Variants in TMEM156 observed in about 807,000 individuals in gnomAD.
TMEM156 encodes the protein transmembrane protein 156.
TMEM156 carries 28 observed loss-of-function variants against 30.5 expected under a neutral mutation model. The observed-to-expected ratio is 0.92, with a 90% confidence interval of 0.68 to 1.26. The LOEUF (loss-of-function observed/expected upper bound fraction) is 1.26, where lower values mean the gene tolerates loss of function less well. TMEM156 is among the 50% of genes most tolerant of loss of function. The pLI is 0.00. For synonymous variants in TMEM156, 137 were observed against 119.9 expected, an observed-to-expected ratio of 1.14 and a Z score of -0.93; for missense variants, 351 against 340.6, an observed-to-expected ratio of 1.03 and a Z score of -0.24.
intron 5 of TMEM156, among the ~76,000 whole-genome samples, chr4:38,982,541 C>T (rs913041594): frequency 1.3e-5 from 2 of 152,160 alleles, no homozygotes; most frequent in Admixed American, 6.5e-5. Flanking sequence ...AGACTCATTT[C>T]TTGCTCATCC....
chr4:39,024,987 C>A (rs1715106015), intron 1 of TMEM156, among the ~76,000 whole-genome samples: 2 of 152,164 alleles, frequency 1.3e-5, no homozygotes, highest in African/African-American at 4.8e-5. Flanking sequence ...TATGGTTTAG[C>A]TGCCTAATTT....
At position 38,984,349 on chromosome 4, in the gene TMEM156, C is replaced by CTGTGTG. The variant is rs34823853; in HGVS notation, c.823+1981_823+1986dup. 2.7e-4 allele frequency among the ~76,000 whole-genome samples: 35 copies of CTGTGTG among 131,104 alleles called. No individual in the cohort carries two copies. In the East Asian group the frequency reaches 4.1e-3, roughly 15 times the overall value. The allele number at this position is 131,104 out of a possible 152,430, so 86.0% of individuals were successfully genotyped here. A position where few individuals can be genotyped will look rare whatever the true frequency, so the allele number is the denominator to read the frequency against. On this transcript the variant is annotated intron_variant, in intron 5 of 6. Coordinates refer to ENST00000381938, the MANE Select transcript of TMEM156 (RefSeq NM_024943.3). ...TTTCTCTCTGTCTCTCTCTCTCTCT[C>CTGTGTG]TGTGTGTGTGTGTGTGTGTGTGTGT... is the stretch of plus-strand genomic sequence containing the variant.
intron 5 of TMEM156, 36 bp from the exon 6 acceptor site, chr4:38,971,173 A>G (rs3733268): frequency 0.021 from 33,258 of 1,584,190 alleles, 441 homozygotes; most frequent in East Asian, 0.054. Flanking sequence ...GTCTATATGT[A>G]GTAAATAGCA....
Position 38,996,475 on chromosome 4 carries a change from G to A in TMEM156, c.358+2165C>T, listed in dbSNP as rs958195894. On this transcript the variant is annotated intron_variant, in intron 2 of 6. Transcript: ENST00000381938. Reference sequence around the variant, plus strand: ...TAATCCCAGCTACTCAGGAGGCTGAGGCAGGAGAATCGCTTGAAACTAGGA... The same window carrying A: ...TAATCCCAGCTACTCAGGAGGCTGAAGCAGGAGAATCGCTTGAAACTAGGA... Among the ~76,000 whole-genome samples the A allele has an allele frequency of 5.9e-5, 9 of 152,066 alleles. No homozygotes were observed. The South Asian group carries it at 1.7e-3, about 28-fold the overall frequency.
At chr4:39,017,193 G>C (rs1262072062) in intron 1 of TMEM156, among the ~76,000 whole-genome samples, 1 of 12,458 alleles carries the variant, frequency 8.0e-5, no homozygotes, top group Non-Finnish European at 1.8e-4. Flanking sequence ...TTTTTTTTTT[G>C]AGACAGAGTC....
At chr4:38,977,786 G>C (rs571000321) in intron 5 of TMEM156, among the ~76,000 whole-genome samples, 2 of 152,234 alleles carry the variant, frequency 1.3e-5, no homozygotes, top group East Asian at 3.9e-4. Flanking sequence ...TTTTGACCTG[G>C]CTGAATCTAG....
chr4:38,985,574 A>G (rs1290289982), intron 5 of TMEM156, among the ~76,000 whole-genome samples: 4 of 152,220 alleles, frequency 2.6e-5, no homozygotes, highest in Non-Finnish European at 4.4e-5. Context: ...AACTGTTTAC[A>G]TGCCAGACTT....
At chr4:39,025,705 C>A (rs1715160623) in intron 1 of TMEM156, among the ~76,000 whole-genome samples, 2 of 151,996 alleles carry the variant, frequency 1.3e-5, no homozygotes. Context: ...ATAAGAGAAG[C>A]AAATGAATAT....
At chr4:38,974,450 C>A (rs1476915328) in intron 5 of TMEM156, among the ~76,000 whole-genome samples, 1 of 151,950 alleles carries the variant, frequency 6.6e-6, no homozygotes, top group Non-Finnish European at 1.5e-5. Flanking sequence ...TAGGAAATAT[C>A]TTTGGTCTTG....
intron 1 of TMEM156, among the ~76,000 whole-genome samples, chr4:39,025,453 C>G (rs1000397350): frequency 2.6e-5 from 4 of 151,388 alleles, no homozygotes. Flanking sequence ...ATTGAAGGCT[C>G]TCTGGTAATA....
At chr4:39,025,915 C>T (rs967555848) in intron 1 of TMEM156, among the ~76,000 whole-genome samples, 41 of 152,234 alleles carry the variant, frequency 2.7e-4, no homozygotes, top group Admixed American at 2.4e-3. Context: ...TGTTTGTGAA[C>T]GTCAGATGAG....
intron 5 of TMEM156, among the ~76,000 whole-genome samples, chr4:38,984,174 T>C (rs536272618): frequency 1.3e-5 from 2 of 152,292 alleles, no homozygotes; most frequent in Non-Finnish European, 2.9e-5. Flanking sequence ...AGCAGCAGGA[T>C]GCATTTATTC....
At chr4:39,000,211 T>C (rs1332260486) in intron 1 of TMEM156, among the ~76,000 whole-genome samples, 4 of 152,060 alleles carry the variant, frequency 2.6e-5, no homozygotes, top group African/African-American at 4.8e-5. Context: ...CTGGACAACA[T>C]GGCCACCCCA....
At position 38,986,443 on chromosome 4, in the gene TMEM156, T is replaced by C. The variant is rs368575032; in HGVS notation, c.740-24A>G. ...ACCTATTCCCAGAAAAGAAATGAAG[T>C]ATTTAGATGATAAACAAGCGCATTG... On this transcript the variant is annotated intron_variant, in intron 4 of 6. Transcript: ENST00000381938. 40 of 1,524,744 alleles carry C rather than the reference T, an allele frequency of 2.6e-5. 1 individual carries two copies. In the Middle Eastern group the frequency reaches 1.5e-3, roughly 58 times the overall value. The allele number at this position is 1,524,744 out of a possible 1,614,324, so 94.5% of individuals were successfully genotyped here. A position where few individuals can be genotyped will look rare whatever the true frequency, so the allele number is the denominator to read the frequency against.
At chr4:39,026,400 C>A (rs541388802) in intron 1 of TMEM156, among the ~76,000 whole-genome samples, 1 of 151,638 alleles carries the variant, frequency 6.6e-6, no homozygotes, top group Non-Finnish European at 1.5e-5. Flanking sequence ...ACTAAGGGAG[C>A]ATTTATCCAC....
At chr4:39,003,492 G>T (rs935795671) in intron 1 of TMEM156, among the ~76,000 whole-genome samples, 1 of 151,896 alleles carries the variant, frequency 6.6e-6, no homozygotes, top group African/African-American at 2.4e-5. Flanking sequence ...GCACCACCAC[G>T]CCCGGCTGAT....
intron 4 of TMEM156, among the ~76,000 whole-genome samples, chr4:38,986,884 T>C (rs1307943934): frequency 7.3e-6 from 1 of 137,128 alleles, no homozygotes; most frequent in Non-Finnish European, 1.6e-5. Flanking sequence ...CAGAAAAGTA[T>C]ATTTTTATCT....
chr4:39,017,342 T>A (rs1714568304), intron 1 of TMEM156, among the ~76,000 whole-genome samples: 1 of 150,002 alleles, frequency 6.7e-6, no homozygotes, highest in Non-Finnish European at 1.5e-5. Flanking sequence ...GCCTGGCTAA[T>A]TTTTTTTGTA....
chr4:38,971,883 G>A (rs565380094), intron 5 of TMEM156, among the ~76,000 whole-genome samples: 95 of 152,030 alleles, frequency 6.2e-4, no homozygotes, highest in African/African-American at 2.2e-3. Context: ...TCTGCCTCCC[G>A]GGTTCAAGTG....
Sources: gnomAD v4.1 joint callset for allele counts (sites outside exome capture counted in the v4.1 genomes callset) on GRCh38, gnomAD v4.1.1 for gene constraint, MANE v1.5 for transcripts, NCBI Gene and HGNC (gene_info 2026-07-23, HGNC 2026-07-21) for gene names.